Variants in PATJ observed in about 807,000 individuals in gnomAD.
The protein encoded by PATJ is PATJ crumbs cell polarity complex component, also known as inaD-like protein.
In PATJ, 190 loss-of-function variants were observed where a neutral mutation model predicts 224.9. The ratio of observed to expected loss-of-function variants is 0.84; its 90% confidence interval spans 0.75 to 0.95. The LOEUF (loss-of-function observed/expected upper bound fraction) is 0.95, where lower values mean the gene tolerates loss of function less well. Among genes scored for constraint, PATJ ranks in the 40% least tolerant of loss-of-function variants. PATJ has a pLI of 0.00. For missense variants in PATJ, 2,121 were observed against 2,270.3 expected (o/e 0.93, Z 1.34); for synonymous variants, 769 against 820.3 (o/e 0.94, Z 1.07).
At chr1:62,152,529 G>T (rs1453275662) in intron 42 of PATJ, among the ~76,000 whole-genome samples, 3 of 152,030 alleles carry the variant, frequency 2.0e-5, no homozygotes, top group Non-Finnish European at 2.9e-5. Flanking sequence ...GTACACGTGT[G>T]TAATCCCAGC....
intron 41 of PATJ, among the ~76,000 whole-genome samples, chr1:62,139,979 C>G (rs1443595163): frequency 6.6e-6 from 1 of 151,970 alleles, no homozygotes; most frequent in Non-Finnish European, 1.5e-5. Context: ...AGGGTGGTCT[C>G]GAACTCCTGG....
chr1:61,879,699 A>G (rs767935356), intron 21 of PATJ, among the ~76,000 whole-genome samples: 6 of 152,014 alleles, frequency 3.9e-5, no homozygotes, highest in Non-Finnish European at 7.4e-5. Context: ...TGTAGTGGCA[A>G]ATCAAAATAT....
chr1:61,946,600 A>G (rs955827494), intron 27 of PATJ, among the ~76,000 whole-genome samples: 12 of 152,226 alleles, frequency 7.9e-5, no homozygotes, highest in South Asian at 6.2e-4. Context: ...AACAAAGTCC[A>G]GGACCAGACG....
intron 27 of PATJ, among the ~76,000 whole-genome samples, chr1:61,986,842 A>G (rs1644787358): frequency 6.6e-6 from 1 of 152,078 alleles, no homozygotes; most frequent in African/African-American, 2.4e-5. Context: ...TTTGTTGGTG[A>G]TAGTTCCATA....
rs973537853 is a variant in PATJ at position 62,162,332 on chromosome 1, G to A, written c.*1278G>A. On this transcript the variant is annotated 3_prime_UTR_variant, in exon 44 of 44. Transcript: ENST00000642238. ...CTAGGTGGCCTTGGCCTTATGCAAA[G>A]TGGGTGACATATTTGATTATATTTC... 5 of 152,234 alleles carry A rather than the reference G, an allele frequency of 3.3e-5. No individual in the cohort carries two copies. Among genetic ancestry groups the A allele is most frequent in the African/African-American group, 1.2e-4 (5 of 41,454 alleles). 9.4% of individuals were successfully genotyped at this position (152,234 alleles called of 1,614,324 possible). A position where few individuals can be genotyped will look rare whatever the true frequency, so the allele number is the denominator to read the frequency against.
intron 33 of PATJ, among the ~76,000 whole-genome samples, chr1:62,101,186 A>C (rs1280707600): frequency 6.6e-6 from 1 of 152,058 alleles, no homozygotes; most frequent in Non-Finnish European, 1.5e-5. Flanking sequence ...TACCATGTGC[A>C]TACATTATCC....
At chr1:61,896,500 C>T (rs1670387958) in intron 22 of PATJ, among the ~76,000 whole-genome samples, 1 of 152,008 alleles carries the variant, frequency 6.6e-6, no homozygotes, top group Non-Finnish European at 1.5e-5. Flanking sequence ...CTTGCCTTGT[C>T]TGAGATGAGA....
At chr1:62,053,717 C>T (rs1043288678) in intron 31 of PATJ, among the ~76,000 whole-genome samples, 4 of 129,642 alleles carry the variant, frequency 3.1e-5, no homozygotes, top group African/African-American at 1.0e-4. Context: ...GAAATTCCGT[C>T]TAAAAAAAAA....
intron 31 of PATJ, among the ~76,000 whole-genome samples, chr1:62,071,490 CTTTT>C (rs747065507): frequency 1.7e-5 from 2 of 117,742 alleles, no homozygotes; most frequent in South Asian, 2.8e-4. Flanking sequence ...TTGTAGATCA[CTTTT>C]TTTTTTTTTT....
At chr1:61,874,048 C>T (rs568809341) in intron 20 of PATJ, among the ~76,000 whole-genome samples, 12 of 152,112 alleles carry the variant, frequency 7.9e-5, no homozygotes, top group Non-Finnish European at 1.6e-4. Flanking sequence ...GACAAGAACC[C>T]AGATTAGCTG....
intron 20 of PATJ, among the ~76,000 whole-genome samples, chr1:61,867,573 ATT>A (rs59246792): frequency 6.9e-6 from 1 of 145,354 alleles, no homozygotes; most frequent in Admixed American, 6.8e-5. Context: ...AATCTGTAAA[ATT>A]TTTTTTTTTT....
At chr1:61,748,704 A>G (rs575672085) in intron 1 of PATJ, among the ~76,000 whole-genome samples, 2 of 152,032 alleles carry the variant, frequency 1.3e-5, no homozygotes, top group Admixed American at 1.3e-4. Flanking sequence ...TAATTTAATT[A>G]TTAGCTTTTG....
Position 62,128,018 on chromosome 1 carries a change from G to T in PATJ, c.5090G>T (p.Ser1697Ile), listed in dbSNP as rs1464889904. The T allele has an allele frequency of 9.9e-6, 16 of 1,613,918 alleles. No individual in the cohort carries two copies. The highest frequency in any genetic ancestry group is 1.7e-5 in the Admixed American group (1 of 59,986). The change falls in exon 40 of 44, where the codon AGT becomes ATT. Residue 1697 changes from serine (S) to isoleucine (I), a missense_variant. Transcript: ENST00000642238. ...LGISIAGGRGSPLGDIPVFIA... is the reference protein window; with the variant it reads ...LGISIAGGRGIPLGDIPVFIA... ...ATCAGTATTGCTGGAGGAAGAGGAA[G>T]TCCCTTAGGAGATATCCCCGTATTT...
chr1:62,064,369 G>T lies in PATJ; in HGVS notation c.4125+13311G>T, dbSNP rs1656050844. 4.0e-5 allele frequency among the ~76,000 whole-genome samples: 6 copies of T among 150,238 alleles called. No individual in the cohort carries two copies. The South Asian group carries it at 1.3e-3, about 32-fold the overall frequency. ...AGACCGAGTCTTACTCTGATGCCCA[G>T]GCTGGAGTGAGTGCAGTGGCACAAT... is the stretch of plus-strand genomic sequence containing the variant. On this transcript the variant is annotated intron_variant, in intron 31 of 43. Transcript: ENST00000642238.
chr1:62,104,652 T>A (rs1662662613), intron 33 of PATJ, among the ~76,000 whole-genome samples: 1 of 152,158 alleles, frequency 6.6e-6, no homozygotes, highest in Non-Finnish European at 1.5e-5. Flanking sequence ...TTTTCTTGTA[T>A]CTTCACTGAT....
chr1:61,906,750 CA>C (rs768969291), intron 24 of PATJ, among the ~76,000 whole-genome samples: 61 of 152,256 alleles, frequency 4.0e-4, no homozygotes, highest in Middle Eastern at 3.4e-3. Context: ...AGGTCTCTAG[CA>C]TGGCTGGAGA....
intron 17 of PATJ, among the ~76,000 whole-genome samples, chr1:61,840,710 G>A (rs776056510): frequency 6.4e-4 from 98 of 151,978 alleles, no homozygotes; most frequent in Non-Finnish European, 1.2e-3. Flanking sequence ...AGGCTTTAGT[G>A]GATATTTTTG....
At chr1:62,072,811 A>G (rs1657676115) in intron 31 of PATJ, 1 of 152,694 alleles carries the variant, frequency 6.5e-6, no homozygotes, top group African/African-American at 2.4e-5. Flanking sequence ...AAGGCCTCAC[A>G]GATCTGAAAG....
chr1:61,765,586 C>G (rs1261419570), intron 3 of PATJ, among the ~76,000 whole-genome samples: 2 of 152,052 alleles, frequency 1.3e-5, no homozygotes, highest in Admixed American at 1.3e-4. Flanking sequence ...GGTTTCACCA[C>G]TGACATTTAT....
Sources: gnomAD v4.1 joint callset for allele counts (sites outside exome capture counted in the v4.1 genomes callset) on GRCh38, gnomAD v4.1.1 for gene constraint, MANE v1.5 for transcripts, NCBI Gene and HGNC (gene_info 2026-07-23, HGNC 2026-07-21) for gene names.